SVIL: variants seen among roughly 807,000 people sequenced by gnomAD.
The protein encoded by SVIL is archvillin.
A neutral mutation model predicts 240.4 loss-of-function variants in SVIL; 101 were observed. The observed-to-expected ratio is 0.42, with a 90% CI of 0.36 to 0.50. The LOEUF is 0.50. SVIL is among the 20% of genes least tolerant of loss of function. The probability of loss-of-function intolerance (pLI) is 0.01; values close to 1 mark genes in which losing one functional copy is unlikely to be tolerated. For missense variants in SVIL, 2,512 were observed against 2,818.7 expected (o/e 0.89, Z 2.46); for synonymous variants, 999 against 1,100.0 (o/e 0.91, Z 1.82).
Position 29,533,033 on chromosome 10 carries a change from A to G in SVIL, c.1334T>C (p.Phe445Ser). The change falls in exon 8 of 38, where the codon TTC becomes TCC. Residue 445 changes from phenylalanine (F) to serine (S), a missense_variant. Physicochemically the swap from Phe to Ser is radical, Grantham distance 155 (BLOSUM62 -2). Transcript: ENST00000355867. ...EGEEKEEDVC[F>S]TEALEQSKKT... Reference sequence around the variant, plus strand: ...CTTGCTTTGCTCGAGAGCTTCAGTGAAGCACACATCTTCTTCTTTTTCTTC... The same window carrying G: ...CTTGCTTTGCTCGAGAGCTTCAGTGGAGCACACATCTTCTTCTTTTTCTTC... The G allele has an allele frequency of 1.2e-6, 2 of 1,614,086 alleles. No individual in the cohort carries two copies. The highest frequency in any genetic ancestry group is 1.7e-6 in the Non-Finnish European group (2 of 1,180,008).
chr10:29,522,365 GC>G (rs974751197), intron 16 of SVIL, 44 bp downstream of exon 16: 6 of 1,595,536 alleles, frequency 3.8e-6, no homozygotes, highest in Non-Finnish European at 5.1e-6. Flanking sequence ...CAAGCTGTAA[GC>G]TCCTCCCCGA....
At chr10:29,507,826 A>G (rs904572148) in intron 17 of SVIL, 1 of 979,588 alleles carries the variant, frequency 1.0e-6, no homozygotes, top group Non-Finnish European at 1.2e-6. Flanking sequence ...TACAGAGCAA[A>G]GCAAGAGGGT....
At position 29,494,884 on chromosome 10, in the gene SVIL, G is replaced by A. The variant is rs6481600; in HGVS notation, c.3841+30C>T. The A allele has an allele frequency of 0.48, 764,368 of 1,601,124 alleles. 187,433 individuals are homozygous for A. The highest frequency in any genetic ancestry group is 0.75 in the African/African-American group (55,606 of 74,000). ...CAGAATTAGGATTTAGAGATTCTGA[G>A]AGCAAAGCCTTCTGGCTTCCAGTAG... On this transcript the variant is annotated intron_variant, in intron 20 of 37. Transcript: ENST00000355867.
rs1362452808 is a variant in SVIL at position 29,494,776 on chromosome 10, T to C, written c.3841+138A>G. The C allele has an allele frequency of 3.8e-6, 3 of 790,210 alleles. No individual in the cohort carries two copies. The African/African-American group carries it at 5.2e-5, about 14-fold the overall frequency. The allele number at this position is 790,210 out of a possible 1,614,324, so 48.9% of individuals were successfully genotyped here. ...GTATTATTGGGAGTCCCCAATTTAG[T>C]ACGTTATCAAGTGAATCAGGGCTTG... On this transcript the variant is annotated intron_variant, in intron 20 of 37. Transcript: ENST00000355867.
intron 1 of SVIL, among the ~76,000 whole-genome samples, chr10:29,694,418 A>C (rs966840032): frequency 1.3e-5 from 2 of 151,854 alleles, no homozygotes; most frequent in Non-Finnish European, 2.9e-5. Context: ...ATAAATTGAT[A>C]CAGTTATTGT....
At chr10:29,720,915 C>T (rs536976375) in intron 1 of SVIL, among the ~76,000 whole-genome samples, 16 of 152,214 alleles carry the variant, frequency 1.1e-4, no homozygotes, top group African/African-American at 3.4e-4. Context: ...GGTGTGATCT[C>T]GTCTCACTGC....
intron 32 of SVIL, chr10:29,468,799 G>C (rs1945229556): frequency 6.6e-6 from 1 of 152,090 alleles, no homozygotes; most frequent in Non-Finnish European, 1.5e-5. Context: ...TGGTGGAGGA[G>C]GGGAAGTTGA....
chr10:29,473,155 T>C (rs1288813840), intron 30 of SVIL, among the ~76,000 whole-genome samples: 3 of 151,444 alleles, frequency 2.0e-5, no homozygotes, highest in African/African-American at 7.3e-5. Flanking sequence ...CTTGGAGAGG[T>C]GCCCAGGGCC....
intron 1 of SVIL, among the ~76,000 whole-genome samples, chr10:29,718,436 C>T (rs1198548725): frequency 6.6e-6 from 1 of 152,004 alleles, no homozygotes; most frequent in South Asian, 2.1e-4. Flanking sequence ...ATCTAGGGAC[C>T]CTGGCTACTC....
intron 2 of SVIL, among the ~76,000 whole-genome samples, chr10:29,678,786 C>T (rs1294954909): frequency 6.6e-6 from 1 of 152,210 alleles, no homozygotes; most frequent in African/African-American, 2.4e-5. Context: ...ACCCCTGCTC[C>T]CTTCTCGTCC....
At chr10:29,700,907 C>G (rs183965451) in intron 1 of SVIL, among the ~76,000 whole-genome samples, 1 of 152,164 alleles carries the variant, frequency 6.6e-6, no homozygotes, top group African/African-American at 2.4e-5. Flanking sequence ...CTTAGCCCAT[C>G]GCTTCAAGGC....
intron 29 of SVIL, among the ~76,000 whole-genome samples, chr10:29,477,635 A>G (rs1946343687): frequency 6.6e-6 from 1 of 152,228 alleles, no homozygotes; most frequent in African/African-American, 2.4e-5. Flanking sequence ...CCAAGGGGCC[A>G]GAGCTTCCGC....
At chr10:29,534,904 C>G (rs1244273515) in intron 7 of SVIL, among the ~76,000 whole-genome samples, 1 of 152,110 alleles carries the variant, frequency 6.6e-6, no homozygotes, top group Non-Finnish European at 1.5e-5. Context: ...GACACAATTC[C>G]AACTACTTGA....
At chr10:29,493,075 G>A (rs1055583678) in intron 21 of SVIL, 139 bp downstream of exon 21, 43 of 1,056,218 alleles carry the variant, frequency 4.1e-5, no homozygotes, top group Non-Finnish European at 5.5e-5. Flanking sequence ...CCTTGCCCTG[G>A]CTCTAGAATA....
chr10:29,708,897 A>C (rs1031017041), intron 1 of SVIL, among the ~76,000 whole-genome samples: 6 of 152,140 alleles, frequency 3.9e-5, no homozygotes, highest in African/African-American at 1.4e-4. Flanking sequence ...AAAATCAAAC[A>C]AAAAACCTGC....
intron 1 of SVIL, among the ~76,000 whole-genome samples, chr10:29,633,041 G>C (rs1044848955): frequency 5.9e-5 from 9 of 152,188 alleles, no homozygotes; most frequent in African/African-American, 2.2e-4. Flanking sequence ...AGATCAGCCT[G>C]GCCAACATAG....
intron 2 of SVIL, among the ~76,000 whole-genome samples, chr10:29,683,169 G>T (rs570842525): frequency 1.3e-5 from 2 of 152,320 alleles, no homozygotes; most frequent in South Asian, 2.1e-4. Flanking sequence ...AGCTGGGAGT[G>T]GGGGTGAGGG....
At chr10:29,479,498 A>G (rs575688601) in intron 29 of SVIL, among the ~76,000 whole-genome samples, 1 of 152,318 alleles carries the variant, frequency 6.6e-6, no homozygotes, top group South Asian at 2.1e-4. Flanking sequence ...GGCTCTGCAC[A>G]GCACACAGCC....
chr10:29,651,761 T>C (rs1291979330), intron 3 of SVIL, among the ~76,000 whole-genome samples: 2 of 152,158 alleles, frequency 1.3e-5, no homozygotes, highest in African/African-American at 4.8e-5. Flanking sequence ...TTTGTTTGGA[T>C]ATTTAATAGA....
Sources: allele counts gnomAD v4.1 joint callset (sites outside exome capture counted in the v4.1 genomes callset), GRCh38; gene constraint gnomAD v4.1.1; transcripts MANE v1.5; gene names NCBI Gene and HGNC (gene_info 2026-07-23, HGNC 2026-07-21).